DDX10: variants seen among roughly 807,000 people sequenced by gnomAD.
DDX10 encodes the protein DEAD-box helicase 10, also known as probable ATP-dependent RNA helicase DDX10.
In DDX10, 74 loss-of-function variants were observed where a neutral mutation model predicts 104.3. The observed-to-expected ratio is 0.71, with a 90% CI of 0.59 to 0.86. DDX10 has a LOEUF of 0.86. Among genes scored for constraint, DDX10 ranks in the 40% least tolerant of loss-of-function variants. The probability of loss-of-function intolerance (pLI) is 0.00; values close to 1 mark genes in which losing one functional copy is unlikely to be tolerated. For missense variants in DDX10, 952 were observed against 1,040.0 expected (o/e 0.92, Z 1.16); for synonymous variants, 351 against 353.4 (o/e 0.99, Z 0.08).
chr11:108,838,361 T>G, intron 13 of DDX10, 85 bp from the exon 14 acceptor site: 8 of 1,417,954 alleles, frequency 5.6e-6, no homozygotes, highest in African/African-American at 1.4e-5. Context: ...TACCCAGTTT[T>G]GAGAAGTATA....
chr11:108,744,282 G>T (rs1169127924), intron 13 of DDX10, among the ~76,000 whole-genome samples: 1 of 152,126 alleles, frequency 6.6e-6, no homozygotes, highest in Non-Finnish European at 1.5e-5. Context: ...GAAATGTAAA[G>T]CCTTAGCAGA....
intron 13 of DDX10, among the ~76,000 whole-genome samples, chr11:108,810,360 A>G (rs1201817502): frequency 6.6e-6 from 1 of 151,986 alleles, no homozygotes; most frequent in Non-Finnish European, 1.5e-5. Context: ...GTTTTTTTTA[A>G]TTAGGTGTTA....
At chr11:108,903,143 A>G (rs1158263974) in intron 16 of DDX10, among the ~76,000 whole-genome samples, 1 of 152,132 alleles carries the variant, frequency 6.6e-6, no homozygotes, top group Non-Finnish European at 1.5e-5. Flanking sequence ...TTGTGCAACC[A>G]CCAGCACCAC....
intron 10 of DDX10, among the ~76,000 whole-genome samples, chr11:108,715,285 AGAAG>A (rs2094289945): frequency 6.6e-6 from 1 of 152,186 alleles, no homozygotes; most frequent in South Asian, 2.1e-4. Context: ...AATCCAAGGC[AGAAG>A]GATTGCTTGA....
chr11:108,869,832 G>A (rs1033361403), intron 16 of DDX10, among the ~76,000 whole-genome samples: 1 of 152,058 alleles, frequency 6.6e-6, no homozygotes, highest in Non-Finnish European at 1.5e-5. Flanking sequence ...ATTAGGAGAA[G>A]GCTGAAATGG....
At chr11:108,759,709 C>T (rs2094348438) in intron 13 of DDX10, among the ~76,000 whole-genome samples, 1 of 151,898 alleles carries the variant, frequency 6.6e-6, no homozygotes, top group African/African-American at 2.4e-5. Flanking sequence ...TCTCATAGCC[C>T]CGCATCACTT....
chr11:108,865,820 A>G (rs972258760), intron 16 of DDX10, among the ~76,000 whole-genome samples: 4 of 152,186 alleles, frequency 2.6e-5, no homozygotes, highest in East Asian at 3.8e-4. Flanking sequence ...AACCTGCTCT[A>G]AGGAACCCAC....
intron 13 of DDX10, among the ~76,000 whole-genome samples, chr11:108,744,326 T>A (rs1317525488): frequency 6.6e-6 from 1 of 152,182 alleles, no homozygotes; most frequent in East Asian, 1.9e-4. Context: ...AGGCCATTTA[T>A]GTCCCTCGTT....
chr11:108,889,699 G>C (rs1863349245), intron 16 of DDX10, among the ~76,000 whole-genome samples: 1 of 152,162 alleles, frequency 6.6e-6, no homozygotes, highest in Non-Finnish European at 1.5e-5. Flanking sequence ...ATTTACCTGT[G>C]TGCTTTTATG....
At chr11:108,787,428 AATAC>A (rs1276847170) in intron 13 of DDX10, among the ~76,000 whole-genome samples, 4 of 151,526 alleles carry the variant, frequency 2.6e-5, no homozygotes. Context: ...TATATTCTCA[AATAC>A]ATTTTCCAAG....
chr11:108,852,400 A>G (rs1043179748), intron 16 of DDX10, among the ~76,000 whole-genome samples, 191 bp downstream of exon 16: 7 of 152,326 alleles, frequency 4.6e-5, no homozygotes, highest in East Asian at 1.9e-4. Context: ...GTGGCCTTCT[A>G]TTCACTTTCT....
intron 6 of DDX10, among the ~76,000 whole-genome samples, chr11:108,688,694 A>T (rs923649980): frequency 1.3e-5 from 2 of 152,180 alleles, no homozygotes; most frequent in African/African-American, 4.8e-5. Context: ...TTTTAGAGGT[A>T]ATCACTGTTC....
chr11:108,678,583 G>A (rs2094229568), intron 5 of DDX10, 148 bp downstream of exon 5: 2 of 880,700 alleles, frequency 2.3e-6, no homozygotes, highest in Non-Finnish European at 1.6e-6. Flanking sequence ...TTGGCATTTG[G>A]GCTCTAAACC....
chr11:108,894,414 T>C (rs1230673920), intron 16 of DDX10, among the ~76,000 whole-genome samples: 1 of 152,054 alleles, frequency 6.6e-6, no homozygotes, highest in African/African-American at 2.4e-5. Context: ...TTATACACTT[T>C]AAAGTGAGTT....
At chr11:108,915,432 GTTTTTTTTTTTTTGGT>G (rs1219561919) in intron 16 of DDX10, among the ~76,000 whole-genome samples, 1 of 117,042 alleles carries the variant, frequency 8.5e-6, no homozygotes, top group African/African-American at 3.9e-5. Context: ...AAAAAGGCTT[GTTTTTTTTTTTTTGGT>G]TTTTTTTTTT....
chr11:108,762,700 A>G (rs2094352102), intron 13 of DDX10, among the ~76,000 whole-genome samples: 1 of 152,156 alleles, frequency 6.6e-6, no homozygotes, highest in Non-Finnish European at 1.5e-5. Context: ...GGGGAATGCA[A>G]AAGTTAAGTC....
chr11:108,673,389 G>A, intron 1 of DDX10, 78 bp from the exon 2 acceptor site: 1 of 904,926 alleles, frequency 1.1e-6, no homozygotes, highest in Non-Finnish European at 1.8e-6. Context: ...AGGATGAGCT[G>A]GGCAATACAA....
intron 6 of DDX10, among the ~76,000 whole-genome samples, chr11:108,683,279 T>C (rs760912524): frequency 2.0e-5 from 3 of 152,220 alleles, no homozygotes; most frequent in Admixed American, 1.3e-4. Flanking sequence ...GACTTATGTG[T>C]GCTCTGTTTA....
intron 13 of DDX10, among the ~76,000 whole-genome samples, chr11:108,797,194 C>T (rs976204636): frequency 1.3e-5 from 2 of 152,062 alleles, no homozygotes; most frequent in Non-Finnish European, 2.9e-5. Context: ...CCAGCATGCC[C>T]AGCTAATTTT....
Sources: gnomAD v4.1 joint callset for allele counts (sites outside exome capture counted in the v4.1 genomes callset) on GRCh38, gnomAD v4.1.1 for gene constraint, MANE v1.5 for transcripts, NCBI Gene and HGNC (gene_info 2026-07-23, HGNC 2026-07-21) for gene names.